Variants in RELN observed in about 807,000 individuals in gnomAD.
RELN encodes reelin.
Under a neutral mutation model 427.6 loss-of-function variants are expected in RELN, and 108 were observed. That is an observed-to-expected ratio of 0.25 (90% confidence interval 0.22 to 0.30). The LOEUF (loss-of-function observed/expected upper bound fraction) is 0.30, where lower values mean the gene tolerates loss of function less well. Among genes scored for constraint, RELN ranks in the 10% least tolerant of loss-of-function variants. The pLI is 1.00. For synonymous variants in RELN, 1,524 were observed against 1,513.4 expected, an observed-to-expected ratio of 1.01 and a Z score of -0.16; for missense variants, 3,715 against 4,302.8, an observed-to-expected ratio of 0.86 and a Z score of 3.82.
At chr7:103,723,061 C>T in intron 8 of RELN, 79 bp downstream of exon 8, 1 of 842,382 alleles carries the variant, frequency 1.2e-6, no homozygotes, top group Non-Finnish European at 2.1e-6. Flanking sequence ...AAGCATCTGG[C>T]ATTATAATCC....
intron 3 of RELN, among the ~76,000 whole-genome samples, chr7:103,810,533 C>T (rs561243159): frequency 3.3e-5 from 5 of 152,270 alleles, no homozygotes; most frequent in African/African-American, 9.6e-5. Flanking sequence ...TTCTTCGTGA[C>T]AGTCAGCAGA....
intron 3 of RELN, among the ~76,000 whole-genome samples, chr7:103,805,896 C>T (rs980955778): frequency 6.6e-6 from 1 of 152,046 alleles, no homozygotes; most frequent in Non-Finnish European, 1.5e-5. Context: ...ACAGCTATTC[C>T]ATGGGGAAGG....
At chr7:103,666,054 TTTTA>T (rs1232152681) in intron 11 of RELN, among the ~76,000 whole-genome samples, 21 of 152,166 alleles carry the variant, frequency 1.4e-4, no homozygotes, top group African/African-American at 4.3e-4. Context: ...TCTTTGATTT[TTTTA>T]TTTTTTATTT....
At chr7:103,954,954 A>G (rs1796404190) in intron 1 of RELN, among the ~76,000 whole-genome samples, 1 of 152,230 alleles carries the variant, frequency 6.6e-6, no homozygotes, top group African/African-American at 2.4e-5. Flanking sequence ...AAGCCTTTTT[A>G]GCTAAAGAGA....
chr7:103,886,060 T>C (rs968468507), intron 2 of RELN, among the ~76,000 whole-genome samples: 2 of 152,210 alleles, frequency 1.3e-5, no homozygotes, highest in Admixed American at 1.3e-4. Context: ...GTGAAGTGAC[T>C]AAATATTAGA....
intron 12 of RELN, 76 bp downstream of exon 12, chr7:103,661,300 A>T: frequency 6.8e-7 from 1 of 1,461,244 alleles, no homozygotes; most frequent in Non-Finnish European, 9.6e-7. Context: ...GACAACAAAC[A>T]ATCTTACTTC....
intron 3 of RELN, among the ~76,000 whole-genome samples, chr7:103,819,112 A>G (rs1792953691): frequency 6.6e-6 from 1 of 152,192 alleles, no homozygotes. Flanking sequence ...CTGTACATAT[A>G]TGAATATTTG....
chr7:103,630,041 G>A lies in RELN; in HGVS notation c.2601C>T (p.Asn867=). ...GATTGGTAAAGTCAAGACTAATGCT[G>A]TTGAAAAGCACAGATGTCATGATAA... is the stretch of plus-strand genomic sequence containing the variant. The part of the protein sequence containing the change: ...DEIIMTSVLF[N]SISLDFTNLV... Residue 867 remains asparagine, a synonymous_variant, in exon 20 of 65, where the codon AAC becomes AAT. Coordinates refer to ENST00000428762, the MANE Select transcript of RELN (RefSeq NM_005045.4). The A allele has an allele frequency of 6.2e-7, 1 of 1,613,468 alleles. No homozygotes were observed. The highest frequency in any genetic ancestry group is 1.3e-5 in the African/African-American group (1 of 75,020).
rs1832890028 is a variant in RELN, at chr7:103,650,395, TTAGCACAAA to T, written c.1893-21_1893-13del. On this transcript the variant is annotated splice_polypyrimidine_tract_variant and intron_variant, in intron 15 of 64. Transcript: ENST00000428762. ...TTATTCGGTTCCACCTGCAAGAAATTTAGCACAAAACCATCTTCACAACTATGTTCATAT... is the reference window on the plus strand; with the variant it reads ...TTATTCGGTTCCACCTGCAAGAAATTACCATCTTCACAACTATGTTCATAT... 2.0e-6 allele frequency: 3 copies of T among 1,516,046 alleles called. No homozygotes were observed. Among genetic ancestry groups the T allele is most frequent in the African/African-American group, 2.7e-5 (2 of 72,878 alleles). The allele number at this position is 1,516,046 out of a possible 1,614,324, so 93.9% of individuals were successfully genotyped here. A position where few individuals can be genotyped will look rare whatever the true frequency, so the allele number is the denominator to read the frequency against.
At chr7:103,515,553 G>T in intron 49 of RELN, 112 bp from the exon 50 acceptor site, 1 of 1,372,146 alleles carries the variant, frequency 7.3e-7, no homozygotes, top group Non-Finnish European at 1.0e-6. Flanking sequence ...GGTGGGTGAG[G>T]GAAGGACATA....
intron 8 of RELN, among the ~76,000 whole-genome samples, 198 bp downstream of exon 8, chr7:103,722,942 G>C (rs1254511011): frequency 6.6e-6 from 1 of 152,104 alleles, no homozygotes; most frequent in African/African-American, 2.4e-5. Flanking sequence ...ACCATTCACT[G>C]CTGGAGAGAA....
chr7:103,971,490 C>T (rs1796764500), intron 1 of RELN, among the ~76,000 whole-genome samples: 1 of 152,134 alleles, frequency 6.6e-6, no homozygotes, highest in African/African-American at 2.4e-5. Flanking sequence ...AATTATTCAA[C>T]CTTTCTAGTA....
At position 103,929,856 on chromosome 7, in the gene RELN, C is replaced by A. The variant is rs531103210; in HGVS notation, c.227-12671G>T. Among the ~76,000 whole-genome samples, 21 of 152,348 alleles carry A rather than the reference C, an allele frequency of 1.4e-4. No individual in the cohort carries two copies. The South Asian group carries it at 3.3e-3, about 24-fold the overall frequency. ...AAGCATTTGACTTCAACGCATCCGG[C>A]AACTCAAAAGTTTTCACTGCTCTGC... On this transcript the variant is annotated intron_variant, in intron 1 of 64. Coordinates refer to ENST00000428762, the MANE Select transcript of RELN (RefSeq NM_005045.4).
Position 103,566,243 on chromosome 7 carries a change from C to G in RELN, c.4917G>C (p.Leu1639=). The part of the protein sequence containing the change: ...DIDCLSMDTA[L]IFTENIGKPR... Reference sequence around the variant, plus strand: ...ATATACCTATGTTTTCAGTGAATATCAGAGCAGTATCCATAGAGAGACAGT... The same window carrying G: ...ATATACCTATGTTTTCAGTGAATATGAGAGCAGTATCCATAGAGAGACAGT... The change falls in exon 33 of 65, where the codon CTG becomes CTC. Residue 1639 remains leucine, a synonymous_variant. Coordinates refer to ENST00000428762, the MANE Select transcript of RELN (RefSeq NM_005045.4). The G allele has an allele frequency of 6.2e-7, 1 of 1,613,448 alleles. No homozygotes were observed. Among genetic ancestry groups the G allele is most frequent in the East Asian group, 2.2e-5 (1 of 44,876 alleles).
intron 11 of RELN, among the ~76,000 whole-genome samples, chr7:103,680,627 T>C (rs368788665): frequency 6.6e-6 from 1 of 151,992 alleles, no homozygotes; most frequent in Non-Finnish European, 1.5e-5. Context: ...CAAAGCTCTT[T>C]GATCTGGGAG....
chr7:103,751,624 C>A (rs1344838668), intron 5 of RELN, among the ~76,000 whole-genome samples: 1 of 152,254 alleles, frequency 6.6e-6, no homozygotes, highest in Non-Finnish European at 1.5e-5. Flanking sequence ...CAGGGTACAG[C>A]TCTCTCAGAT....
chr7:103,912,457 T>C (rs147547965), intron 2 of RELN, among the ~76,000 whole-genome samples: 5 of 152,282 alleles, frequency 3.3e-5, no homozygotes, highest in African/African-American at 1.2e-4. Flanking sequence ...GTGCTGGGAT[T>C]ACAGGCGTGA....
At chr7:103,748,353 AG>A (rs1790901087) in intron 6 of RELN, among the ~76,000 whole-genome samples, 4 of 152,114 alleles carry the variant, frequency 2.6e-5, no homozygotes, top group Admixed American at 2.6e-4. Flanking sequence ...AAGAAATAAA[AG>A]TTTCTTGTGT....
intron 6 of RELN, among the ~76,000 whole-genome samples, chr7:103,732,369 A>G (rs928369836): frequency 2.6e-5 from 4 of 152,064 alleles, no homozygotes; most frequent in African/African-American, 9.7e-5. Flanking sequence ...CTTCCCCATA[A>G]TTATTGGTGG....
Sources: gnomAD v4.1 joint callset for allele counts (sites outside exome capture counted in the v4.1 genomes callset) on GRCh38, gnomAD v4.1.1 for gene constraint, MANE v1.5 for transcripts, NCBI Gene and HGNC (gene_info 2026-07-23, HGNC 2026-07-21) for gene names.